The following GLRB variants were observed in gnomAD, a reference collection of about 807,000 sequenced individuals.
The protein encoded by GLRB is glycine receptor beta, also known as glycine receptor subunit beta.
Under a neutral mutation model 54.2 loss-of-function variants are expected in GLRB, and 33 were observed. That is an observed-to-expected ratio of 0.61 (90% CI 0.46 to 0.81). GLRB has a LOEUF of 0.81. Ranked by LOEUF, GLRB falls within the 40% of genes least tolerant of loss-of-function variation. GLRB has a pLI of 0.00. For missense variants in GLRB, 572 were observed against 584.6 expected, an observed-to-expected ratio of 0.98 and a Z score of 0.22; for synonymous variants, 209 against 208.2, an observed-to-expected ratio of 1.00 and a Z score of -0.03.
Position 157,122,475 on chromosome 4 carries a change from A to G in GLRB, c.297+78A>G, listed in dbSNP as rs992208743. ...GTGAAAGTAACATTAAAATTGAACAATAAGGAGCAACTCAAATAATCCATG... is the reference window on the plus strand; with the variant it reads ...GTGAAAGTAACATTAAAATTGAACAGTAAGGAGCAACTCAAATAATCCATG... On this transcript the variant is annotated intron_variant, in intron 4 of 9. Transcript: ENST00000264428. 1.2e-4 allele frequency: 72 copies of G among 593,042 alleles called. 1 individual carries two copies. Among genetic ancestry groups the G allele is most frequent in the Non-Finnish European group, 2.1e-4 (68 of 320,362 alleles). 36.7% of individuals were successfully genotyped at this position (593,042 alleles called of 1,614,324 possible). A position where few individuals can be genotyped will look rare whatever the true frequency, so the allele number is the denominator to read the frequency against.
chr4:157,104,438 G>A (rs1299199187), intron 2 of GLRB, among the ~76,000 whole-genome samples: 2 of 151,700 alleles, frequency 1.3e-5, no homozygotes, highest in African/African-American at 4.8e-5. Flanking sequence ...TCCTTTTAAT[G>A]TGCTATTGAA....
intron 3 of GLRB, 38 bp downstream of exon 3, chr4:157,120,700 T>C (rs1735785160): frequency 2.1e-6 from 2 of 951,432 alleles, no homozygotes. Flanking sequence ...TTTTATTGTT[T>C]AAAAATTAAT....
chr4:157,108,311 A>G (rs535410869), intron 2 of GLRB, among the ~76,000 whole-genome samples: 12 of 152,262 alleles, frequency 7.9e-5, no homozygotes, highest in African/African-American at 2.6e-4. Context: ...CCCCTGATGG[A>G]TCTGGGCCAA....
At chr4:157,157,233 C>T (rs922471198) in intron 9 of GLRB, among the ~76,000 whole-genome samples, 6 of 152,172 alleles carry the variant, frequency 3.9e-5, no homozygotes, top group Admixed American at 3.9e-4. Context: ...TACATAGTTT[C>T]CACAGACACT....
chr4:157,102,211 TTAATA>T (rs1163309344), intron 2 of GLRB, among the ~76,000 whole-genome samples: 1 of 152,202 alleles, frequency 6.6e-6, no homozygotes, highest in Admixed American at 6.5e-5. Context: ...GCAAGAACAC[TTAATA>T]TGAGTTCTGC....
intron 7 of GLRB, among the ~76,000 whole-genome samples, chr4:157,142,768 T>C (rs1415928605): frequency 1.3e-5 from 2 of 152,150 alleles, no homozygotes; most frequent in African/African-American, 4.8e-5. Context: ...AAAAATTATA[T>C]AGAGTTTAAA....
At chr4:157,136,758 C>T (rs752149048) in intron 5 of GLRB, 46 bp from the exon 6 acceptor site, 3 of 1,494,724 alleles carry the variant, frequency 2.0e-6, no homozygotes, top group South Asian at 2.3e-5. Context: ...CAATGGATGA[C>T]AGAGAAGTAT....
In GLRB at chr4:157,136,515, G is replaced by T. The variant is rs764190780; in HGVS notation, c.344G>T (p.Arg115Met). 32 of 1,613,208 alleles carry T rather than the reference G, an allele frequency of 2.0e-5. 1 individual carries two copies. The highest frequency in any genetic ancestry group is 2.5e-5 in the Non-Finnish European group (30 of 1,179,268). ...IFLRQKWNDP[R>M]LKLPSDFRGS... is the part of the protein sequence containing the mutation. The stretch of plus-strand genomic sequence containing the variant: ...CTGAGACAAAAATGGAATGACCCCA[G>T]GCTGAAGCTCCCCAGTGATTTTAGG... Residue 115 changes from arginine (R) to methionine (M), a missense_variant, in exon 5 of 10, where the codon AGG becomes ATG. Arg to Met is a moderately conservative substitution (Grantham distance 91, BLOSUM62 -1). Coordinates refer to ENST00000264428, the MANE Select transcript of GLRB (RefSeq NM_000824.5).
At chr4:157,138,327 G>C (rs907620275) in intron 6 of GLRB, among the ~76,000 whole-genome samples, 2 of 152,102 alleles carry the variant, frequency 1.3e-5, no homozygotes, top group African/African-American at 4.8e-5. Context: ...ACCCGCCTTG[G>C]CCTCCCAAAG....
intron 4 of GLRB, among the ~76,000 whole-genome samples, chr4:157,132,506 C>T (rs1340533107): frequency 6.6e-6 from 1 of 151,732 alleles, no homozygotes; most frequent in Non-Finnish European, 1.5e-5. Flanking sequence ...AAAGTTTTTA[C>T]TCTTTGGGAA....
At chr4:157,120,975 A>C (rs2126531416) in intron 3 of GLRB, among the ~76,000 whole-genome samples, 1 of 151,764 alleles carries the variant, frequency 6.6e-6, no homozygotes, top group Admixed American at 6.6e-5. Flanking sequence ...AGTGGTTTAA[A>C]ATTTAGGCTC....
At chr4:157,120,359 C>G (rs1037137964) in intron 2 of GLRB, among the ~76,000 whole-genome samples, 197 bp from the exon 3 acceptor site, 4 of 149,590 alleles carry the variant, frequency 2.7e-5, no homozygotes, top group Middle Eastern at 3.2e-3. Flanking sequence ...ATTGTGCACA[C>G]ATACCCTAAA....
intron 8 of GLRB, among the ~76,000 whole-genome samples, chr4:157,149,235 C>CT (rs1267820269): frequency 6.6e-5 from 10 of 152,090 alleles, no homozygotes; most frequent in African/African-American, 2.2e-4. Context: ...ATTCATTTTG[C>CT]TTTTTTAAAA....
At chr4:157,076,463 G>C (rs1417278197) in intron 1 of GLRB, 166 bp downstream of exon 1, 3 of 143,898 alleles carry the variant, frequency 2.1e-5, no homozygotes, top group South Asian at 2.1e-4. Flanking sequence ...TGCCCTGCGC[G>C]GGAGAGGGGC....
chr4:157,114,339 T>C lies in GLRB; in HGVS notation c.123-6217T>C, dbSNP rs1470410669. ...TGTCTTTCCTGGTCTCTCTCTCTCTTTCTTTTTTTTTTTTCAAATAAACAT... is the reference window on the plus strand; with the variant it reads ...TGTCTTTCCTGGTCTCTCTCTCTCTCTCTTTTTTTTTTTTCAAATAAACAT... On this transcript the variant is annotated intron_variant, in intron 2 of 9. Coordinates refer to ENST00000264428, the MANE Select transcript of GLRB (RefSeq NM_000824.5). Among the ~76,000 whole-genome samples, 5 of 151,264 alleles carry C rather than the reference T, an allele frequency of 3.3e-5. No individual in the cohort carries two copies. In the East Asian group the frequency reaches 7.9e-4, roughly 24 times the overall value.
At chr4:157,164,216 C>T (rs1161990581) in intron 9 of GLRB, among the ~76,000 whole-genome samples, 2 of 151,854 alleles carry the variant, frequency 1.3e-5, no homozygotes, top group African/African-American at 4.8e-5. Context: ...TAAGGGATTG[C>T]TTAAGGGCAT....
intron 8 of GLRB, among the ~76,000 whole-genome samples, chr4:157,151,483 C>T (rs1737019909): frequency 6.6e-6 from 1 of 151,850 alleles, no homozygotes; most frequent in Non-Finnish European, 1.5e-5. Context: ...TTCCTTAGGG[C>T]CGAGGATAAT....
rs576128932 is a variant in GLRB, at chr4:157,139,761, A to G, written c.751+812A>G. On this transcript the variant is annotated intron_variant, in intron 7 of 9. Coordinates refer to ENST00000264428, the MANE Select transcript of GLRB (RefSeq NM_000824.5). ...GCAGAATCCTAATTCTGCCTTTGGA[A>G]GTAAATCATAACAAAAATATTCAGA... Among the ~76,000 whole-genome samples, 33 of 152,126 alleles carry G rather than the reference A, an allele frequency of 2.2e-4. No homozygotes were observed. The South Asian group carries it at 6.4e-3, about 30-fold the overall frequency.
chr4:157,095,669 C>CT (rs1560938732), intron 2 of GLRB, among the ~76,000 whole-genome samples: 1 of 152,150 alleles, frequency 6.6e-6, no homozygotes, highest in South Asian at 2.1e-4. Flanking sequence ...TCTACAAAAA[C>CT]TTTTTTTAAA....
Sources: gnomAD v4.1 joint callset for allele counts (sites outside exome capture counted in the v4.1 genomes callset) on GRCh38, gnomAD v4.1.1 for gene constraint, MANE v1.5 for transcripts, NCBI Gene and HGNC (gene_info 2026-07-23, HGNC 2026-07-21) for gene names.